Variants in QTMAN observed in about 807,000 individuals in gnomAD.
QTMAN encodes tRNA-queuosine alpha-mannosyltransferase.
chr2:144,315,014 T>C, the QTMAN span, among the ~76,000 whole-genome samples: 1 of 152,084 alleles, frequency 6.6e-6, no homozygotes, highest in Non-Finnish European at 1.5e-5. Flanking sequence ...GCTTCCCAAG[T>C]AGCTGGAATT....
the QTMAN span, among the ~76,000 whole-genome samples, chr2:144,011,369 G>A: frequency 1.3e-5 from 2 of 151,950 alleles, no homozygotes; most frequent in Non-Finnish European, 2.9e-5. Context: ...TTCTGATTCT[G>A]TGTCATGAAA....
the QTMAN span, among the ~76,000 whole-genome samples, chr2:144,166,054 T>C: frequency 4.3e-4 from 62 of 145,278 alleles, 1 homozygote; most frequent in East Asian, 0.011. Context: ...CCCTTAAGTA[T>C]GTGAAATGTC....
chr2:144,065,601 A>C, the QTMAN span, among the ~76,000 whole-genome samples: 3 of 152,086 alleles, frequency 2.0e-5, no homozygotes, highest in Non-Finnish European at 2.9e-5. Flanking sequence ...GGGTGGTAAC[A>C]CTGTTACTAG....
the QTMAN span, among the ~76,000 whole-genome samples, chr2:144,118,376 T>C: frequency 2.0e-5 from 3 of 152,200 alleles, no homozygotes; most frequent in African/African-American, 4.8e-5. Flanking sequence ...AATTCAACTA[T>C]GAACTGTTGA....
chr2:144,075,736 C>A, the QTMAN span, among the ~76,000 whole-genome samples: 4 of 152,202 alleles, frequency 2.6e-5, no homozygotes, highest in Admixed American at 1.3e-4. Context: ...AATCAGCTAA[C>A]AGCAGCATTT....
the QTMAN span, chr2:144,294,315 G>A: frequency 6.6e-6 from 1 of 152,202 alleles, no homozygotes; most frequent in Non-Finnish European, 1.5e-5. Context: ...CCACTGGTGT[G>A]CCCTTCAGAC....
the QTMAN span, among the ~76,000 whole-genome samples, chr2:144,284,657 CTAAGGTAT>C: frequency 3.3e-5 from 5 of 152,056 alleles, no homozygotes; most frequent in East Asian, 9.7e-4. Flanking sequence ...ACATTTAAAA[CTAAGGTAT>C]TAAGGCATTT....
the QTMAN span, among the ~76,000 whole-genome samples, chr2:144,305,940 T>C: frequency 2.0e-5 from 3 of 152,372 alleles, no homozygotes; most frequent in South Asian, 2.1e-4. Flanking sequence ...TGAATTCTAA[T>C]ACATTTTGGT....
the QTMAN span, among the ~76,000 whole-genome samples, chr2:144,260,208 A>T: frequency 6.6e-6 from 1 of 152,040 alleles, no homozygotes; most frequent in Non-Finnish European, 1.5e-5. Context: ...AATTCTTTTA[A>T]TTTTCTTTCA....
chr2:144,303,618 G>C, the QTMAN span, among the ~76,000 whole-genome samples: 3 of 152,138 alleles, frequency 2.0e-5, no homozygotes, highest in Admixed American at 1.3e-4. Flanking sequence ...AAAACACTTA[G>C]ATACATGCAA....
At chr2:144,259,866 T>C in the QTMAN span, among the ~76,000 whole-genome samples, 77 of 152,074 alleles carry the variant, frequency 5.1e-4, no homozygotes, top group African/African-American at 1.7e-3. Context: ...CAATTTTCCA[T>C]TATAAAAGAG....
At chr2:144,280,657 A>T in the QTMAN span, among the ~76,000 whole-genome samples, 1 of 152,180 alleles carries the variant, frequency 6.6e-6, no homozygotes, top group Non-Finnish European at 1.5e-5. Flanking sequence ...AAACTGGAAA[A>T]ATGTATTTCG....
At chr2:144,087,634 C>A in the QTMAN span, among the ~76,000 whole-genome samples, 1 of 151,966 alleles carries the variant, frequency 6.6e-6, no homozygotes, top group Non-Finnish European at 1.5e-5. Flanking sequence ...AGGATTTATA[C>A]AATCAAGAAG....
chr2:144,160,804 T>C, the QTMAN span, among the ~76,000 whole-genome samples: 1 of 152,144 alleles, frequency 6.6e-6, no homozygotes, highest in Non-Finnish European at 1.5e-5. Flanking sequence ...CAGACTAATT[T>C]AAGGCAGCCA....
the QTMAN span, chr2:144,011,641 A>T: frequency 4.6e-5 from 7 of 152,432 alleles, no homozygotes; most frequent in Non-Finnish European, 7.0e-5. Flanking sequence ...CTATGCTAGT[A>T]AAAAAAAAAA....
the QTMAN span, among the ~76,000 whole-genome samples, chr2:143,960,289 TGA>T: frequency 6.6e-6 from 1 of 152,080 alleles, no homozygotes; most frequent in Admixed American, 6.6e-5. Flanking sequence ...TACATGTGTT[TGA>T]GAGGCCTGGG....
chr2:144,019,601 G>A, the QTMAN span, among the ~76,000 whole-genome samples: 4 of 152,092 alleles, frequency 2.6e-5, no homozygotes, highest in Non-Finnish European at 5.9e-5. Flanking sequence ...ACTGAAAACA[G>A]AAGAATTGAT....
the QTMAN span, among the ~76,000 whole-genome samples, chr2:144,171,379 T>C: frequency 6.6e-6 from 1 of 152,150 alleles, no homozygotes; most frequent in East Asian, 1.9e-4. Context: ...GAAATGACCA[T>C]ATGTCTTTTG....
At chr2:144,285,157 T>C in the QTMAN span, among the ~76,000 whole-genome samples, 4 of 152,112 alleles carry the variant, frequency 2.6e-5, no homozygotes, top group Admixed American at 2.0e-4. Context: ...GCTGGTAAGA[T>C]ATAATGTACC....
Sources: gnomAD v4.1 joint callset for allele counts (sites outside exome capture counted in the v4.1 genomes callset) on GRCh38, gnomAD v4.1.1 for gene constraint, MANE v1.5 for transcripts, NCBI Gene and HGNC (gene_info 2026-07-23, HGNC 2026-07-21) for gene names.